GSN: variants seen among roughly 807,000 people sequenced by gnomAD.
GSN encodes actin-depolymerizing factor.
GSN carries 56 observed loss-of-function variants against 85.7 expected under a neutral mutation model. That is an observed-to-expected ratio of 0.65 (90% CI 0.53 to 0.82). GSN has a LOEUF of 0.82. Among genes scored for constraint, GSN ranks in the 40% least tolerant of loss-of-function variants. The probability of loss-of-function intolerance (pLI) is 0.00; values close to 1 mark genes in which losing one functional copy is unlikely to be tolerated. For synonymous variants in GSN, 373 were observed against 399.1 expected (o/e 0.93, Z 0.78); for missense variants, 857 against 979.8 (o/e 0.87, Z 1.67).
At chr9:121,286,475 A>T in intron 2 of GSN, 4 of 852,344 alleles carry the variant, frequency 4.7e-6, no homozygotes, top group Non-Finnish European at 5.3e-6. Context: ...CCACACCCCC[A>T]AGCCTTTGCG....
chr9:121,266,658 A>G (rs534406046), upstream of GSN, among the ~76,000 whole-genome samples: 5 of 152,366 alleles, frequency 3.3e-5, no homozygotes, highest in South Asian at 8.3e-4. Flanking sequence ...CAGTATCAGT[A>G]GTGTGACCTC....
chr9:121,238,905 A>G, intron 5 of GSN: 1 of 537,600 alleles, frequency 1.9e-6, no homozygotes, highest in Non-Finnish European at 3.8e-6. Flanking sequence ...ATACATCTGC[A>G]TGATTCTTCC....
Position 121,329,999 on chromosome 9 carries a change from G to A in GSN, c.1965+684G>A, listed in dbSNP as rs971266718. On this transcript the variant is annotated intron_variant, in intron 16 of 17. Transcript: ENST00000432226. This position sits in a 1 kb window ranked among gnomAD's most constrained non-coding sequence, Gnocchi z 4.6. ...TCAGAGTTACGGAGCAGCTGGCCAC[G>A]AAGGCATAAGACTCTACACTACCCA... Among the ~76,000 whole-genome samples the A allele has an allele frequency of 2.6e-5, 4 of 152,154 alleles. No individual in the cohort carries two copies. Among genetic ancestry groups the A allele is most frequent in the Non-Finnish European group, 5.9e-5 (4 of 68,024 alleles).
upstream of GSN, among the ~76,000 whole-genome samples, chr9:121,266,343 T>C (rs993038901): frequency 6.6e-6 from 1 of 152,196 alleles, no homozygotes; most frequent in African/African-American, 2.4e-5. Context: ...CTGGAAATGA[T>C]ATGTTAGATA....
At chr9:121,208,346 T>C (rs2053917504) in intron 1 of GSN, among the ~76,000 whole-genome samples, 1 of 152,286 alleles carries the variant, frequency 6.6e-6, no homozygotes, top group Non-Finnish European at 1.5e-5. Context: ...CCTTCCCCAG[T>C]TGGAAAGCAC....
In GSN at chr9:121,282,302, G is replaced by A. The variant is rs2057482950; in HGVS notation, c.-10+740G>A. The A allele has an allele frequency of 3.6e-5, 22 of 603,982 alleles. No homozygotes were observed. In the South Asian group the frequency reaches 4.9e-4, roughly 13 times the overall value. The allele number at this position is 603,982 out of a possible 1,614,324, so 37.4% of individuals were successfully genotyped here. Reference sequence around the variant, plus strand: ...TAGATGCCAAAGGGCTTTGTGACCAGTGAGACAGGAAGGATCACTACTAGG... The same window carrying A: ...TAGATGCCAAAGGGCTTTGTGACCAATGAGACAGGAAGGATCACTACTAGG... On this transcript the variant is annotated intron_variant, in intron 2 of 17. Coordinates refer to ENST00000432226, the MANE Select transcript of GSN (RefSeq NM_198252.3).
At chr9:121,278,807 T>C (rs997340686) in intron 1 of GSN, among the ~76,000 whole-genome samples, 4 of 152,224 alleles carry the variant, frequency 2.6e-5, no homozygotes, top group Admixed American at 2.0e-4. Context: ...TGGAGTTAGC[T>C]GGGGCTAATT....
intron 1 of GSN, chr9:121,280,366 T>G (rs2057214839): frequency 6.6e-6 from 1 of 152,224 alleles, no homozygotes; most frequent in Non-Finnish European, 1.5e-5. Context: ...GCACTGCCAT[T>G]TGCAGGGCAC....
At chr9:121,293,819 A>G (rs1239986689) in intron 2 of GSN, among the ~76,000 whole-genome samples, 2 of 152,186 alleles carry the variant, frequency 1.3e-5, no homozygotes, top group Non-Finnish European at 2.9e-5. Flanking sequence ...CCTCCTTTAT[A>G]TGTGCTTATT....
At chr9:121,331,536 C>T in intron 17 of GSN, 88 bp downstream of exon 17, 1 of 793,226 alleles carries the variant, frequency 1.3e-6, no homozygotes, top group Non-Finnish European at 2.2e-6. Context: ...TGGGAATGAG[C>T]ATCTTTCCAG....
chr9:121,253,122 T>C (rs990335519), intron 6 of GSN, among the ~76,000 whole-genome samples: 8 of 152,170 alleles, frequency 5.3e-5, no homozygotes, highest in African/African-American at 1.9e-4. Flanking sequence ...ATAAGGGCAC[T>C]AATCCCATTC....
At chr9:121,323,036 T>C (rs542827413) in intron 11 of GSN, among the ~76,000 whole-genome samples, 1 of 152,248 alleles carries the variant, frequency 6.6e-6, no homozygotes, top group South Asian at 2.1e-4. Context: ...GGCTTTGCCA[T>C]GTTGCCCAGG....
In GSN at chr9:121,329,647, CT is replaced by C. The variant is rs1328201328; in HGVS notation, c.1965+334del. 6.6e-6 allele frequency among the ~76,000 whole-genome samples: 1 copy of C among 152,180 alleles called. No homozygotes were observed. The highest frequency in any genetic ancestry group is 1.5e-5 in the Non-Finnish European group (1 of 68,042). Reference sequence around the variant, plus strand: ...AAATCTGTTGGCAGAGGAAGTTGAACTTAGCAGCATCTTGTTTGCAGGCATA... The same window carrying C: ...AAATCTGTTGGCAGAGGAAGTTGAACTAGCAGCATCTTGTTTGCAGGCATA... On this transcript the variant is annotated intron_variant, in intron 16 of 17. Coordinates refer to ENST00000432226, the MANE Select transcript of GSN (RefSeq NM_198252.3). The surrounding 1 kb of genome is among the most constrained non-coding windows in gnomAD (Gnocchi z 4.6).
chr9:121,322,000 C>T (rs2062529203), intron 11 of GSN, among the ~76,000 whole-genome samples: 1 of 152,128 alleles, frequency 6.6e-6, no homozygotes, highest in Admixed American at 6.5e-5. Flanking sequence ...GCCTCAGCCT[C>T]CCAAAGTGCT....
At chr9:121,286,603 G>T in intron 2 of GSN, 1 of 1,505,828 alleles carries the variant, frequency 6.6e-7, no homozygotes, top group Non-Finnish European at 8.8e-7. Context: ...TGCTCCCAGG[G>T]CCCACAACTG....
chr9:121,271,027 T>G (rs1466193406), intron 1 of GSN, among the ~76,000 whole-genome samples: 3 of 152,214 alleles, frequency 2.0e-5, no homozygotes, highest in Non-Finnish European at 4.4e-5. Flanking sequence ...GAGCCTCTGG[T>G]TCCTCATGTG....
At chr9:121,290,407 G>A (rs2058576368) in intron 2 of GSN, among the ~76,000 whole-genome samples, 1 of 152,190 alleles carries the variant, frequency 6.6e-6, no homozygotes, top group Admixed American at 6.5e-5. Flanking sequence ...GGAGGGGAAA[G>A]TATTTTAAAT....
intron 6 of GSN, among the ~76,000 whole-genome samples, chr9:121,257,177 G>A (rs2054982144): frequency 6.6e-6 from 1 of 151,746 alleles, no homozygotes; most frequent in South Asian, 2.1e-4. Context: ...ATTTGATAAA[G>A]GTCAAGTAAT....
At chr9:121,325,320 G>A (rs765428400) in intron 12 of GSN, among the ~76,000 whole-genome samples, 1 of 152,238 alleles carries the variant, frequency 6.6e-6, no homozygotes, top group Non-Finnish European at 1.5e-5. Context: ...TGATGCACGT[G>A]TAGGAGTTGC....
Sources: allele counts gnomAD v4.1 joint callset (sites outside exome capture counted in the v4.1 genomes callset), GRCh38; gene constraint gnomAD v4.1.1; non-coding constraint Gnocchi (gnomAD v3.1); transcripts MANE v1.5; gene names NCBI Gene and HGNC (gene_info 2026-07-23, HGNC 2026-07-21).